SLC9C1: variants seen among roughly 807,000 people sequenced by gnomAD.
SLC9C1 encodes solute carrier family 9 member C1, also known as sodium/hydrogen exchanger 10.
In SLC9C1, 97 loss-of-function variants were observed where a neutral mutation model predicts 140.9. The ratio of observed to expected loss-of-function variants is 0.69; its 90% CI spans 0.58 to 0.82. The LOEUF is 0.82. Ranked by LOEUF, SLC9C1 falls within the 40% of genes least tolerant of loss-of-function variation. SLC9C1 has a pLI of 0.00. For missense variants in SLC9C1, 1,340 were observed against 1,389.3 expected, an observed-to-expected ratio of 0.96 and a Z score of 0.56; for synonymous variants, 440 against 442.6, an observed-to-expected ratio of 0.99 and a Z score of 0.07.
chr3:112,162,557 A>C (rs1411028120), intron 26 of SLC9C1, among the ~76,000 whole-genome samples: 1 of 152,186 alleles, frequency 6.6e-6, no homozygotes, highest in Non-Finnish European at 1.5e-5. Flanking sequence ...GGCTCTGTTT[A>C]TATGCTGGAG....
intron 25 of SLC9C1, among the ~76,000 whole-genome samples, chr3:112,168,410 G>T (rs957860815): frequency 6.6e-6 from 1 of 151,434 alleles, no homozygotes; most frequent in African/African-American, 2.4e-5. Flanking sequence ...CATTTTGATT[G>T]GCAGGGGAAC....
In SLC9C1 at chr3:112,182,215, A is replaced by T. The variant is rs146697807; in HGVS notation, c.2567T>A (p.Ile856Asn). 911 of 1,607,206 alleles carry T rather than the reference A, an allele frequency of 5.7e-4. 9 individuals are homozygous for T. Among genetic ancestry groups the T allele is most frequent in the Admixed American group, 2.4e-4 (14 of 59,300 alleles). Reference protein sequence around the residue: ...KKKEVLDSQSIIRPLTVEEVL... With the variant: ...KKKEVLDSQSNIRPLTVEEVL... ...TTCTTCAACAGTAAGAGGCCTGATAATAGATTGAGAATCAAGCACCTCTTT... is the reference window on the plus strand; with the variant it reads ...TTCTTCAACAGTAAGAGGCCTGATATTAGATTGAGAATCAAGCACCTCTTT... The change falls in exon 21 of 29, where the codon ATT (isoleucine) becomes AAT (asparagine). Residue 856 changes from isoleucine (I) to asparagine (N), a missense_variant. Coordinates refer to ENST00000305815, the MANE Select transcript of SLC9C1 (RefSeq NM_183061.3).
intron 2 of SLC9C1, among the ~76,000 whole-genome samples, chr3:112,283,120 G>C (rs1448961646): frequency 1.3e-5 from 2 of 152,118 alleles, no homozygotes; most frequent in Non-Finnish European, 2.9e-5. Flanking sequence ...TGTGATGATC[G>C]TTTTGTCTAC....
chr3:112,169,094 T>C, intron 24 of SLC9C1, 32 bp from the exon 25 acceptor site: 4 of 1,575,092 alleles, frequency 2.5e-6, no homozygotes, highest in Non-Finnish European at 3.4e-6. Flanking sequence ...CAGTCTATTA[T>C]TAGTCTATGA....
intron 20 of SLC9C1, chr3:112,185,474 G>A (rs2077516595): frequency 5.0e-6 from 8 of 1,607,816 alleles, no homozygotes; most frequent in South Asian, 1.1e-5. Context: ...AGCGTGGGGC[G>A]CAGAGTTACA....
At chr3:112,247,209 C>G (rs928884462) in intron 10 of SLC9C1, among the ~76,000 whole-genome samples, 1 of 152,082 alleles carries the variant, frequency 6.6e-6, no homozygotes, top group Non-Finnish European at 1.5e-5. Flanking sequence ...CTGAATGAAT[C>G]TTACATTCTG....
intron 1 of SLC9C1, among the ~76,000 whole-genome samples, chr3:112,293,544 A>G (rs1235949014): frequency 1.3e-5 from 2 of 152,186 alleles, no homozygotes; most frequent in African/African-American, 4.8e-5. Flanking sequence ...GGATCTCAGT[A>G]ATCTTCACAG....
At chr3:112,155,699 T>C (rs913739479) in intron 26 of SLC9C1, among the ~76,000 whole-genome samples, 1 of 152,152 alleles carries the variant, frequency 6.6e-6, no homozygotes, top group African/African-American at 2.4e-5. Context: ...AGGTCTTTTA[T>C]ATCAGGTGAA....
chr3:112,180,284 G>T (rs1432879573), intron 22 of SLC9C1, among the ~76,000 whole-genome samples: 2 of 152,232 alleles, frequency 1.3e-5, no homozygotes, highest in African/African-American at 4.8e-5. Context: ...CACTTTGGGA[G>T]GCTGAGGCGG....
chr3:112,167,476 C>G, intron 25 of SLC9C1, 129 bp from the exon 26 acceptor site: 1 of 873,388 alleles, frequency 1.1e-6, no homozygotes, highest in South Asian at 2.1e-5. Context: ...CAAATCAACA[C>G]AAATAAGATT....
At chr3:112,192,994 T>C (rs977975317) in intron 20 of SLC9C1, among the ~76,000 whole-genome samples, 11 of 152,174 alleles carry the variant, frequency 7.2e-5, no homozygotes, top group African/African-American at 2.4e-4. Context: ...GAAAGACTTA[T>C]TGGCATGAGT....
intron 21 of SLC9C1, 124 bp downstream of exon 21, chr3:112,182,009 A>G: frequency 3.5e-6 from 3 of 854,086 alleles, no homozygotes; most frequent in Admixed American, 7.3e-5. Context: ...TTTTGATTTT[A>G]TCCTATCAGA....
Position 112,204,268 on chromosome 3 carries a change from T to C in SLC9C1, c.2122A>G (p.Ile708Val), listed in dbSNP as rs557928066. ...IKYIFNETEV[I>V]VFIKVVQFFR... ...AATTGAACAACTTTTATAAAGACTA[T>C]TACTTCAGTCTCATTAAAAATATAC... The change falls in exon 17 of 29, where the codon ATA (isoleucine) becomes GTA (valine). Residue 708 changes from isoleucine (I) to valine (V), a missense_variant. Coordinates refer to ENST00000305815, the MANE Select transcript of SLC9C1 (RefSeq NM_183061.3). The C allele has an allele frequency of 6.5e-6, 10 of 1,537,570 alleles. No individual in the cohort carries two copies. The African/African-American group carries it at 7.1e-5, about 11-fold the overall frequency.
chr3:112,249,376 A>G (rs1360622109), intron 10 of SLC9C1, among the ~76,000 whole-genome samples: 1 of 149,786 alleles, frequency 6.7e-6, no homozygotes, highest in African/African-American at 2.5e-5. Flanking sequence ...GGATTTTTGC[A>G]TCTATATTCT....
chr3:112,148,665 C>T (rs1392299539), intron 28 of SLC9C1, among the ~76,000 whole-genome samples: 1 of 152,172 alleles, frequency 6.6e-6, no homozygotes, highest in Non-Finnish European at 1.5e-5. Flanking sequence ...TAGGTATATA[C>T]TTGACCCGTG....
chr3:112,263,024 A>G lies in SLC9C1; in HGVS notation c.1097T>C (p.Ile366Thr), dbSNP rs567828070. 2.0e-5 allele frequency: 32 copies of G among 1,607,842 alleles called. 1 individual carries two copies. The South Asian group carries it at 3.4e-4, about 17-fold the overall frequency. ...CCCCTTCATTTCACTACAGACCATTATGAATATCCAGCGCCAACTGAACTC... is the reference window on the plus strand; with the variant it reads ...CCCCTTCATTTCACTACAGACCATTGTGAATATCCAGCGCCAACTGAACTC... ...GHEFSWRWIF[I>T]MVCSEMKGMP... The change falls in exon 10 of 29, where the codon ATA becomes ACA. Residue 366 changes from isoleucine (I) to threonine (T), a missense_variant. Physicochemically the swap from Ile to Thr is moderately conservative, Grantham distance 89. Coordinates refer to ENST00000305815, the MANE Select transcript of SLC9C1 (RefSeq NM_183061.3).
intron 12 of SLC9C1, among the ~76,000 whole-genome samples, chr3:112,238,655 T>C (rs541964148): frequency 6.6e-6 from 1 of 152,326 alleles, no homozygotes; most frequent in Admixed American, 6.5e-5. Flanking sequence ...TCCTTTGTGT[T>C]TGTTGTTTTT....
At chr3:112,146,761 C>T (rs750077019) in intron 28 of SLC9C1, among the ~76,000 whole-genome samples, 4 of 151,972 alleles carry the variant, frequency 2.6e-5, no homozygotes, top group East Asian at 1.9e-4. Context: ...TTTTTGTGTG[C>T]GGATGAGAAT....
At chr3:112,219,009 C>T (rs1303183844) in intron 14 of SLC9C1, among the ~76,000 whole-genome samples, 1 of 152,112 alleles carries the variant, frequency 6.6e-6, no homozygotes, top group Non-Finnish European at 1.5e-5. Flanking sequence ...GTTTTATTTT[C>T]CTAACCTGCA....
Sources: allele counts gnomAD v4.1 joint callset (sites outside exome capture counted in the v4.1 genomes callset), GRCh38; gene constraint gnomAD v4.1.1; transcripts MANE v1.5; gene names NCBI Gene and HGNC (gene_info 2026-07-23, HGNC 2026-07-21).